The following CES4A variants were observed in gnomAD, a reference collection of about 807,000 sequenced individuals.
CES4A encodes the protein carboxylesterase 6.
Under a neutral mutation model 65.4 loss-of-function variants are expected in CES4A, and 48 were observed. The observed-to-expected ratio is 0.73, with a 90% CI of 0.58 to 0.93. The LOEUF (loss-of-function observed/expected upper bound fraction) is 0.93. CES4A is among the 40% of genes least tolerant of loss of function. CES4A has a pLI of 0.00. For missense variants in CES4A, 685 were observed against 728.5 expected (o/e 0.94, Z 0.69); for synonymous variants, 247 against 281.8 (o/e 0.88, Z 1.24).
intron 1 of CES4A, among the ~76,000 whole-genome samples, chr16:66,994,623 C>T (rs887437169): frequency 2.6e-5 from 4 of 151,436 alleles, no homozygotes; most frequent in East Asian, 2.0e-4. Flanking sequence ...GGGCGGATCA[C>T]GAGGTCAGGA....
rs1010077800 is a variant in CES4A, at chr16:67,001,418, C to G, written c.647C>G (p.Thr216Ser). Residue 216 changes from threonine to serine, a missense_variant, in exon 5 of 14, where the codon ACC becomes AGC. Physicochemically the swap from Thr to Ser is moderately conservative, Grantham distance 58. Coordinates refer to ENST00000648724, the Ensembl canonical transcript of CES4A. The surrounding 1 kb of genome is among the most constrained non-coding windows in gnomAD (Gnocchi z 4.1). ...TTCGGGGGAGACCCAGGAAATGTGA[C>G]CCTGTTCGGCCAGTCGGCGGGGGCC... is the stretch of plus-strand genomic sequence containing the variant. 6.2e-7 allele frequency: 1 copy of G among 1,613,302 alleles called. No homozygotes were observed. The highest frequency in any genetic ancestry group is 8.5e-7 in the Non-Finnish European group (1 of 1,179,662).
In CES4A at chr16:67,003,232, G is replaced by T; in HGVS notation, c.796-24G>T. ...GGAAGGGCAGGATGGAAGCACCACT[G>T]AGCATCCTTTCTTCTCTCTATAGAA... On this transcript the variant is annotated intron_variant, in intron 6 of 13. Coordinates refer to ENST00000648724, the Ensembl canonical transcript of CES4A. The surrounding 1 kb of genome is among the most constrained non-coding windows in gnomAD (Gnocchi z 4.2). 1 of 1,613,020 alleles carries T rather than the reference G, an allele frequency of 6.2e-7. No individual in the cohort carries two copies. Among genetic ancestry groups the T allele is most frequent in the South Asian group, 1.1e-5 (1 of 91,046 alleles).
At position 67,001,013 on chromosome 16, in the gene CES4A, G is replaced by C; in HGVS notation, c.536+23G>C. On this transcript the variant is annotated intron_variant, in intron 4 of 13. Transcript: ENST00000648724. This position sits in a 1 kb window ranked among gnomAD's most constrained non-coding sequence, Gnocchi z 4.1. Reference sequence around the variant, plus strand: ...GAGGTGGCGGGGCCGGTACCCTTTGGGACCGCAGCTGTGGCCAGAGCGGCG... The same window carrying C: ...GAGGTGGCGGGGCCGGTACCCTTTGCGACCGCAGCTGTGGCCAGAGCGGCG... The C allele has an allele frequency of 6.2e-7, 1 of 1,602,304 alleles. No homozygotes were observed.
intron 1 of CES4A, among the ~76,000 whole-genome samples, chr16:66,992,038 T>C (rs1329618919): frequency 6.6e-6 from 1 of 152,254 alleles, no homozygotes; most frequent in Non-Finnish European, 1.5e-5. Context: ...CAGTAAATTA[T>C]AGCTATTGGC....
At position 67,000,776 on chromosome 16, in the gene CES4A, G is replaced by T. The variant is rs1350133760; in HGVS notation, c.399G>T (p.Leu133=). The change falls in exon 3 of 14, where the codon CTG becomes CTT. Residue 133 remains leucine, a synonymous_variant. Transcript: ENST00000648724. This position sits in a 1 kb window ranked among gnomAD's most constrained non-coding sequence, Gnocchi z 4.2. ...CGCGCGCGCCCGGGGATCCCCAGCT[G>T]CCAGTGAGTGCCAGGTCTCCCGCGC... 6.5e-7 allele frequency: 1 copy of T among 1,549,932 alleles called. No individual in the cohort carries two copies.
intron 11 of CES4A, 134 bp downstream of exon 11, chr16:67,005,527 A>T: frequency 1.2e-6 from 1 of 835,908 alleles, no homozygotes; most frequent in Non-Finnish European, 1.8e-6. Context: ...AAGATATCAC[A>T]GAGGAGGCAG....
At chr16:66,995,674 C>T (rs1334161637) in exon 2 of CES4A, 3 of 1,614,054 alleles carry the variant, frequency 1.9e-6, no homozygotes, top group South Asian at 1.1e-5. Context: ...AATATGGAAC[C>T]CTGCAAGGAA....
At chr16:66,989,304 A>G (rs981035851) in intron 1 of CES4A, among the ~76,000 whole-genome samples, 5 of 152,070 alleles carry the variant, frequency 3.3e-5, no homozygotes, top group African/African-American at 1.2e-4. Context: ...TAAGATGTAT[A>G]CAGCAAGGTG....
At position 67,003,946 on chromosome 16, in the gene CES4A, G is replaced by A. The variant is rs964216218; in HGVS notation, c.940-138G>A. ...GCTCCCCTCCCACACCCATCCTCCT[G>A]GGGCTCACCATGCCAGCCCCAGCCT... On this transcript the variant is annotated intron_variant, in intron 8 of 13. Coordinates refer to ENST00000648724, the Ensembl canonical transcript of CES4A. This position sits in a 1 kb window ranked among gnomAD's most constrained non-coding sequence, Gnocchi z 4.2. The A allele has an allele frequency of 2.2e-6, 2 of 901,278 alleles. No individual in the cohort carries two copies. The highest frequency in any genetic ancestry group is 3.5e-6 in the Non-Finnish European group (2 of 571,540). The allele number at this position is 901,278 out of a possible 1,614,324, so 55.8% of individuals were successfully genotyped here. A position where few individuals can be genotyped will look rare whatever the true frequency, so the allele number is the denominator to read the frequency against.
Position 67,005,308 on chromosome 16 carries a change from G to A in CES4A, c.1230G>A (p.Trp410Ter), listed in dbSNP as rs1378341787. ...TGGACAATGTCAATGAGCATGACTG[G>A]AAGATGCTACGAAACCGTATGATGG... Residue 410 changes from tryptophan (W) to a stop codon, truncating the protein, a stop_gained, in exon 11 of 14, where the codon TGG (tryptophan) becomes TGA (stop). Coordinates refer to ENST00000648724, the Ensembl canonical transcript of CES4A. LOFTEE classifies it high-confidence loss of function. The A allele has an allele frequency of 3.1e-6, 5 of 1,614,074 alleles. No individual in the cohort carries two copies. The highest frequency in any genetic ancestry group is 4.2e-6 in the Non-Finnish European group (5 of 1,179,944).
chr16:67,003,625 A>G lies in CES4A; in HGVS notation c.939+72A>G. 1 of 1,280,420 alleles carries G rather than the reference A, an allele frequency of 7.8e-7. No homozygotes were observed. Among genetic ancestry groups the G allele is most frequent in the East Asian group, 2.3e-5 (1 of 43,290 alleles). 79.3% of individuals were successfully genotyped at this position (1,280,420 alleles called of 1,614,324 possible). On this transcript the variant is annotated intron_variant, in intron 8 of 13. Transcript: ENST00000648724. The surrounding 1 kb of genome is among the most constrained non-coding windows in gnomAD (Gnocchi z 4.2). ...TTTGTGCCAGGCACTTGGGATACTT[A>G]GGGAATTGTTCAGGCCAAGATCCCT...
At position 67,003,320 on chromosome 16, in the gene CES4A, C is replaced by T; in HGVS notation, c.860C>T (p.Ala287Val). Residue 287 changes from alanine (A) to valine (V), a missense_variant, in exon 7 of 14, where the codon GCA (alanine) becomes GTA (valine). Coordinates refer to ENST00000648724, the Ensembl canonical transcript of CES4A. This position sits in a 1 kb window ranked among gnomAD's most constrained non-coding sequence, Gnocchi z 4.2. ...CAGATCCTGGTAAACTGCCTGAGGGCACTATCAGGGACCAAGGTGATGCGT... is the reference window on the plus strand; with the variant it reads ...CAGATCCTGGTAAACTGCCTGAGGGTACTATCAGGGACCAAGGTGATGCGT... 6.2e-7 allele frequency: 1 copy of T among 1,614,138 alleles called. No individual in the cohort carries two copies. The highest frequency in any genetic ancestry group is 8.5e-7 in the Non-Finnish European group (1 of 1,180,028).
At chr16:66,994,016 G>GC (rs1964604904) in intron 1 of CES4A, among the ~76,000 whole-genome samples, 1 of 151,456 alleles carries the variant, frequency 6.6e-6, no homozygotes, top group Non-Finnish European at 1.5e-5. Flanking sequence ...CAGGAGAATG[G>GC]CATGAACCTG....
chr16:67,000,538 C>A lies in CES4A; in HGVS notation c.261-100C>A. 6.8e-7 allele frequency: 1 copy of A among 1,471,828 alleles called. No homozygotes were observed. The highest frequency in any genetic ancestry group is 9.0e-7 in the Non-Finnish European group (1 of 1,106,942). 91.2% of individuals were successfully genotyped at this position (1,471,828 alleles called of 1,614,324 possible). ...ACATGCGCACGCACACGCACGCGCA[C>A]AGACGCTGCCTGGATTTTGCTTTGG... On this transcript the variant is annotated intron_variant, in intron 2 of 13. Transcript: ENST00000648724. The surrounding 1 kb of genome is among the most constrained non-coding windows in gnomAD (Gnocchi z 4.2).
rs571293268 is a variant in CES4A, at chr16:67,001,416, G to A, written c.645G>A (p.Val215=). Reference sequence around the variant, plus strand: ...CCTTCGGGGGAGACCCAGGAAATGTGACCCTGTTCGGCCAGTCGGCGGGGG... The same window carrying A: ...CCTTCGGGGGAGACCCAGGAAATGTAACCCTGTTCGGCCAGTCGGCGGGGG... Residue 215 remains valine, a synonymous_variant, in exon 5 of 14, where the codon GTG becomes GTA. Transcript: ENST00000648724. This position sits in a 1 kb window ranked among gnomAD's most constrained non-coding sequence, Gnocchi z 4.1. The A allele has an allele frequency of 6.2e-7, 1 of 1,613,538 alleles. No homozygotes were observed. Among genetic ancestry groups the A allele is most frequent in the South Asian group, 1.1e-5 (1 of 91,034 alleles).
At chr16:67,009,751 C>T (rs553268104) in exon 14 of CES4A, 27 of 152,490 alleles carry the variant, frequency 1.8e-4, no homozygotes, top group African/African-American at 6.3e-4. Context: ...ATTTCTCCAC[C>T]TATAAAATGG....
rs1478564476 is a variant in CES4A, at chr16:67,004,905, T to C, written c.1161+32T>C. ...GACCCAGCTGGCAGGGGTGCTCAGT[T>C]CGGACAGGGTTGACCCCCCTGTTTT... On this transcript the variant is annotated intron_variant, in intron 10 of 13. Transcript: ENST00000648724. 6.0e-6 allele frequency: 9 copies of C among 1,500,588 alleles called. No individual in the cohort carries two copies. The Admixed American group carries it at 1.8e-4, about 29-fold the overall frequency. The allele number at this position is 1,500,588 out of a possible 1,614,324, so 93.0% of individuals were successfully genotyped here.
chr16:67,001,395 C>CG lies in CES4A; in HGVS notation c.629dup (p.Asp211ArgfsTer48). The CG allele has an allele frequency of 6.2e-7, 1 of 1,613,488 alleles. No homozygotes were observed. The highest frequency in any genetic ancestry group is 8.5e-7 in the Non-Finnish European group (1 of 1,179,802). ...GGGTGCAGGAGAACATCGCAGCCTTCGGGGGAGACCCAGGAAATGTGACCC... is the reference window on the plus strand; with the variant it reads ...GGGTGCAGGAGAACATCGCAGCCTTCGGGGGGAGACCCAGGAAATGTGACCC... On this transcript the variant is annotated frameshift_variant, in exon 5 of 14. Transcript: ENST00000648724. LOFTEE classifies it high-confidence loss of function. The surrounding 1 kb of genome is among the most constrained non-coding windows in gnomAD (Gnocchi z 4.1).
chr16:67,000,756 G>A lies in CES4A; in HGVS notation c.379G>A (p.Ala127Thr), dbSNP rs1449151720. The A allele has an allele frequency of 2.6e-6, 4 of 1,548,960 alleles. No individual in the cohort carries two copies. In the East Asian group the frequency reaches 9.8e-5, roughly 38 times the overall value. Residue 127 changes from alanine to threonine, a missense_variant, in exon 3 of 14, where the codon GCG (alanine) becomes ACG (threonine). Ala to Thr is a moderately conservative substitution (Grantham distance 58). Transcript: ENST00000648724. The surrounding 1 kb of genome is among the most constrained non-coding windows in gnomAD (Gnocchi z 4.2). ...CCTGAACGTGTACGCGCCGGCGCGCGCGCCCGGGGATCCCCAGCTGCCAGT... is the reference window on the plus strand; with the variant it reads ...CCTGAACGTGTACGCGCCGGCGCGCACGCCCGGGGATCCCCAGCTGCCAGT...
Sources: gnomAD v4.1 joint callset for allele counts (sites outside exome capture counted in the v4.1 genomes callset) on GRCh38, gnomAD v4.1.1 for gene constraint, Gnocchi (gnomAD v3.1) non-coding constraint, MANE v1.5 for transcripts, NCBI Gene and HGNC (gene_info 2026-07-23, HGNC 2026-07-21) for gene names.